The following DGKI variants were observed in gnomAD, a reference collection of about 807,000 sequenced individuals.
DGKI encodes DAG kinase iota.
Under a neutral mutation model 147.5 loss-of-function variants are expected in DGKI, and 55 were observed. The observed-to-expected ratio is 0.37, with a 90% CI of 0.30 to 0.47. The LOEUF (loss-of-function observed/expected upper bound fraction) is 0.47, where lower values mean the gene tolerates loss of function less well. DGKI is among the 20% of genes least tolerant of loss of function. The pLI is 1.00. For missense variants in DGKI, 1,007 were observed against 1,323.8 expected, an observed-to-expected ratio of 0.76 and a Z score of 3.71; for synonymous variants, 469 against 477.1, an observed-to-expected ratio of 0.98 and a Z score of 0.22.
In DGKI at chr7:137,552,418, T is replaced by C; in HGVS notation, c.2098A>G (p.Asn700Asp). 1 of 1,613,998 alleles carries C rather than the reference T, an allele frequency of 6.2e-7. No individual in the cohort carries two copies. Residue 700 changes from asparagine to aspartate, a missense_variant, in exon 20 of 33, where the codon AAC becomes GAC. Around this residue, in one of 5 missense-constraint regions of DGKI, gnomAD observed 224 missense variants for 382.7 expected, o/e 0.59. Coordinates refer to ENST00000614521, the MANE Select transcript of DGKI (RefSeq NM_001321708.2). ...CTCCTCTTGCTCTTCTGTACCATGT[T>C]GGCCTGATTCCTCAGGGAGATCCGA... ...MIRISLRNQA[N>D]MVQKSKRRTS...
At chr7:137,835,755 A>T (rs567963772) in intron 1 of DGKI, among the ~76,000 whole-genome samples, 1 of 152,208 alleles carries the variant, frequency 6.6e-6, no homozygotes, top group Non-Finnish European at 1.5e-5. Flanking sequence ...CATTGTGATA[A>T]ACCAGTGAGA....
chr7:137,661,615 G>A (rs1356800119), intron 3 of DGKI, among the ~76,000 whole-genome samples: 2 of 152,098 alleles, frequency 1.3e-5, no homozygotes, highest in Non-Finnish European at 2.9e-5. Flanking sequence ...TAGATGGGAA[G>A]ATTCACCCCG....
intron 19 of DGKI, among the ~76,000 whole-genome samples, chr7:137,562,989 A>G (rs1563086845): frequency 6.6e-6 from 1 of 152,142 alleles, no homozygotes; most frequent in Non-Finnish European, 1.5e-5. Context: ...GCTCTCCCTC[A>G]TAATCATAAT....
At chr7:137,463,662 G>A (rs1311515681) in intron 26 of DGKI, 51 bp from the exon 27 acceptor site, 1 of 1,590,196 alleles carries the variant, frequency 6.3e-7, no homozygotes. Context: ...TCAGCCACGT[G>A]ACTTCGTTTC....
At chr7:137,635,810 C>T (rs1821289118) in intron 6 of DGKI, among the ~76,000 whole-genome samples, 1 of 152,132 alleles carries the variant, frequency 6.6e-6, no homozygotes, top group Admixed American at 6.6e-5. Flanking sequence ...AATACAGAAA[C>T]CAGTGAGAGA....
chr7:137,432,210 T>A (rs1292681302), intron 28 of DGKI, among the ~76,000 whole-genome samples: 1 of 152,214 alleles, frequency 6.6e-6, no homozygotes, highest in Non-Finnish European at 1.5e-5. Flanking sequence ...GAAACCTCTT[T>A]TCTTTACAAA....
At chr7:137,828,169 C>T (rs796613133) in intron 1 of DGKI, among the ~76,000 whole-genome samples, 8 of 152,346 alleles carry the variant, frequency 5.3e-5, no homozygotes, top group African/African-American at 1.9e-4. Context: ...TTATTTCTAG[C>T]ACTTCACATA....
intron 1 of DGKI, among the ~76,000 whole-genome samples, chr7:137,707,721 C>T (rs952974259): frequency 6.6e-6 from 1 of 152,192 alleles, no homozygotes; most frequent in African/African-American, 2.4e-5. Flanking sequence ...GAAGCAGAAG[C>T]CACTTTACTT....
chr7:137,479,958 G>C (rs569471126), intron 23 of DGKI, among the ~76,000 whole-genome samples: 1 of 151,896 alleles, frequency 6.6e-6, no homozygotes, highest in Non-Finnish European at 1.5e-5. Flanking sequence ...CCTCCATCTC[G>C]AACCTACTTT....
At chr7:137,811,382 TCTCACA>T (rs1306734208) in intron 1 of DGKI, among the ~76,000 whole-genome samples, 46 of 98,552 alleles carry the variant, frequency 4.7e-4, no homozygotes, top group East Asian at 1.4e-3. Context: ...TCTCTCTCTC[TCTCACA>T]CACACACACA....
chr7:137,504,199 G>A (rs927609113), intron 21 of DGKI, among the ~76,000 whole-genome samples: 3 of 152,162 alleles, frequency 2.0e-5, no homozygotes, highest in Non-Finnish European at 4.4e-5. Flanking sequence ...ACCATGATGT[G>A]TTCAACAAGA....
intron 23 of DGKI, among the ~76,000 whole-genome samples, chr7:137,481,616 T>G (rs964812493): frequency 6.6e-6 from 1 of 152,102 alleles, no homozygotes; most frequent in Non-Finnish European, 1.5e-5. Context: ...CCTTGTTAGG[T>G]TAACATGAGG....
rs1486334130 is a variant in DGKI, at chr7:137,585,245, G to T, written c.1527C>A (p.Asp509Glu). The change falls in exon 14 of 33, where the codon GAC (aspartate) becomes GAA (glutamate). Residue 509 changes from aspartate (D) to glutamate (E), a missense_variant. Asp to Glu is a conservative substitution (Grantham distance 45). Coordinates refer to ENST00000614521, the MANE Select transcript of DGKI (RefSeq NM_001321708.2). ...CATCTTCAAGTTCTTCTGGAGGCAA[G>T]TCGGGGTTTCTTTCCACATGGAGGT... ...RWNLHVERNP[D>E]LPPEELEDGV... 1 of 1,614,156 alleles carries T rather than the reference G, an allele frequency of 6.2e-7. No individual in the cohort carries two copies. The highest frequency in any genetic ancestry group is 1.1e-5 in the South Asian group (1 of 91,080).
intron 3 of DGKI, among the ~76,000 whole-genome samples, chr7:137,662,484 C>T (rs762937457): frequency 2.0e-5 from 3 of 151,884 alleles, no homozygotes; most frequent in Non-Finnish European, 4.4e-5. Flanking sequence ...ATCTCGTGAT[C>T]CACCTGCCTT....
At chr7:137,570,991 T>C (rs1422527125) in intron 19 of DGKI, among the ~76,000 whole-genome samples, 184 bp downstream of exon 19, 1 of 152,240 alleles carries the variant, frequency 6.6e-6, no homozygotes, top group Non-Finnish European at 1.5e-5. Context: ...TTCAAACAAA[T>C]GTGCATCAGT....
At chr7:137,626,810 T>C (rs1820960427) in intron 6 of DGKI, among the ~76,000 whole-genome samples, 1 of 152,182 alleles carries the variant, frequency 6.6e-6, no homozygotes, top group South Asian at 2.1e-4. Flanking sequence ...CCTCCACTGA[T>C]AGTCTGTTTC....
chr7:137,761,734 C>A (rs562856085), intron 1 of DGKI, among the ~76,000 whole-genome samples: 6 of 152,128 alleles, frequency 3.9e-5, no homozygotes, highest in African/African-American at 1.4e-4. Flanking sequence ...CTGAGTTATA[C>A]CCAAGGCTTT....
intron 1 of DGKI, among the ~76,000 whole-genome samples, chr7:137,697,855 T>A (rs1408336663): frequency 6.6e-6 from 1 of 152,030 alleles, no homozygotes; most frequent in Non-Finnish European, 1.5e-5. Context: ...AAATTTAGAA[T>A]AATTTTATTC....
At chr7:137,735,977 A>C (rs746865096) in intron 1 of DGKI, among the ~76,000 whole-genome samples, 1 of 152,130 alleles carries the variant, frequency 6.6e-6, no homozygotes, top group Non-Finnish European at 1.5e-5. Flanking sequence ...ATCAATGAAC[A>C]GTGGCTGAAA....
Sources: allele counts gnomAD v4.1 joint callset (sites outside exome capture counted in the v4.1 genomes callset), GRCh38; gene constraint gnomAD v4.1.1; regional missense constraint gnomAD v4.1.1; transcripts MANE v1.5; gene names NCBI Gene and HGNC (gene_info 2026-07-23, HGNC 2026-07-21).